NCOR2: variants seen among roughly 807,000 people sequenced by gnomAD.
NCOR2 encodes the protein nuclear receptor corepressor 2.
Under a neutral mutation model 262.9 loss-of-function variants are expected in NCOR2, and 81 were observed. That is an observed-to-expected ratio of 0.31 (90% CI 0.26 to 0.37). The LOEUF (loss-of-function observed/expected upper bound fraction) is 0.37. NCOR2 is among the 10% of genes least tolerant of loss of function. NCOR2 has a pLI of 1.00. For synonymous variants in NCOR2, 1,659 were observed against 1,559.3 expected (o/e 1.06, Z -1.51); for missense variants, 3,385 against 3,621.4 (o/e 0.93, Z 1.68).
In NCOR2 at chr12:124,437,913, C is replaced by A; in HGVS notation, c.882+17G>T. The A allele has an allele frequency of 6.2e-7, 1 of 1,608,102 alleles. No individual in the cohort carries two copies. The highest frequency in any genetic ancestry group is 1.7e-5 in the Admixed American group (1 of 59,464). On this transcript the variant is annotated intron_variant, in intron 8 of 46. Coordinates refer to ENST00000405201, the Ensembl canonical transcript of NCOR2. ...AGATCTCAAGGAAAGCTGATGGGGG[C>A]CACGGTGTGGACTTACCCATTGTTT... is the stretch of plus-strand genomic sequence containing the variant.
chr12:124,365,381 C>G (rs923551349), intron 20 of NCOR2, among the ~76,000 whole-genome samples: 3 of 152,238 alleles, frequency 2.0e-5, no homozygotes, highest in Non-Finnish European at 1.5e-5. Flanking sequence ...CCACCCCAGT[C>G]CCCAGCTGCC....
chr12:124,343,438 A>C (rs953071031), intron 32 of NCOR2, among the ~76,000 whole-genome samples: 1 of 152,170 alleles, frequency 6.6e-6, no homozygotes, highest in East Asian at 1.9e-4. Context: ...CACTCACTCA[A>C]TCAATTAAAA....
intron 1 of NCOR2, among the ~76,000 whole-genome samples, chr12:124,487,090 G>T (rs2047802757): frequency 6.6e-6 from 1 of 152,230 alleles, no homozygotes; most frequent in South Asian, 2.1e-4. Flanking sequence ...AGGACTGAAG[G>T]TGCATACGGG....
chr12:124,437,263 C>T (rs1362634383), intron 8 of NCOR2, among the ~76,000 whole-genome samples: 3 of 152,196 alleles, frequency 2.0e-5, no homozygotes, highest in Non-Finnish European at 2.9e-5. Flanking sequence ...CCCCTGACAG[C>T]TGGGAGAATA....
Position 124,548,959 on chromosome 12 carries a change from G to A in NCOR2, c.-164-13348C>T, listed in dbSNP as rs542056150. Among the ~76,000 whole-genome samples the A allele has an allele frequency of 2.0e-5, 3 of 152,186 alleles. No individual in the cohort carries two copies. Among genetic ancestry groups the A allele is most frequent in the Admixed American group, 6.5e-5 (1 of 15,294 alleles). On this transcript the variant is annotated intron_variant, in intron 1 of 32. Coordinates refer to the NCOR2 transcript ENST00000458234. The surrounding 1 kb of genome is among the most constrained non-coding windows in gnomAD (Gnocchi z 5.1). Reference sequence around the variant, plus strand: ...AGCCACTCCTCCCTCTCGTTTCCCCGCTTCCCCTTACCCGACGGTTGGGGC... The same window carrying A: ...AGCCACTCCTCCCTCTCGTTTCCCCACTTCCCCTTACCCGACGGTTGGGGC...
intron 11 of NCOR2, among the ~76,000 whole-genome samples, chr12:124,423,283 C>T (rs1218881504): frequency 6.6e-6 from 1 of 152,166 alleles, no homozygotes; most frequent in Non-Finnish European, 1.5e-5. Flanking sequence ...AGTCCCTGGC[C>T]CCAGGCCCAG....
rs1412280487 is a variant in NCOR2 at position 124,428,090 on chromosome 12, C to CGTGTGTGTGTGTGTGT, written c.1150-1291_1150-1290insACACACACACACACAC. Among the ~76,000 whole-genome samples, 308 of 138,114 alleles carry CGTGTGTGTGTGTGTGT rather than the reference C, an allele frequency of 2.2e-3. 4 individuals carry two copies. The highest frequency in any genetic ancestry group is 5.6e-3 in the African/African-American group (189 of 33,672). 90.6% of individuals were successfully genotyped at this position (138,114 alleles called of 152,430 possible). A position where few individuals can be genotyped will look rare whatever the true frequency, so the allele number is the denominator to read the frequency against. On this transcript the variant is annotated intron_variant, in intron 10 of 46. Transcript: ENST00000405201. ...GTGTGTGTGTGTGTGTGTGTGTGTA[C>CGTGTGTGTGTGTGTGT]ATGCAACAATCAGCCCAGGTGCCAC...
At chr12:124,434,682 A>G (rs1026327263) in intron 8 of NCOR2, among the ~76,000 whole-genome samples, 2 of 152,190 alleles carry the variant, frequency 1.3e-5, no homozygotes, top group African/African-American at 4.8e-5. Flanking sequence ...GCTGTCAAGG[A>G]GGCGGCAAGA....
At chr12:124,358,265 G>A (rs1424851278) in intron 22 of NCOR2, among the ~76,000 whole-genome samples, 1 of 148,136 alleles carries the variant, frequency 6.8e-6, no homozygotes, top group African/African-American at 2.6e-5. Context: ...CAATGTTGAA[G>A]GACGTAACCT....
chr12:124,359,277 T>G (rs924906376), intron 22 of NCOR2, among the ~76,000 whole-genome samples: 1 of 152,182 alleles, frequency 6.6e-6, no homozygotes, highest in Non-Finnish European at 1.5e-5. Context: ...GGGACAGGAA[T>G]GGCAGGCAGG....
chr12:124,399,120 A>G (rs1326735236), intron 15 of NCOR2, among the ~76,000 whole-genome samples: 1 of 152,044 alleles, frequency 6.6e-6, no homozygotes, highest in Non-Finnish European at 1.5e-5. Flanking sequence ...AGGTTCCAGC[A>G]GAAGAGGGGA....
intron 22 of NCOR2, among the ~76,000 whole-genome samples, chr12:124,358,773 C>G (rs1411098319): frequency 7.2e-6 from 1 of 138,454 alleles, no homozygotes; most frequent in East Asian, 2.3e-4. Flanking sequence ...GCGGAGTGTG[C>G]AAAGGGCATT....
intron 19 of NCOR2, among the ~76,000 whole-genome samples, chr12:124,373,365 A>G (rs1366383693): frequency 2.5e-4 from 10 of 40,286 alleles, no homozygotes; most frequent in Admixed American, 3.6e-4. Flanking sequence ...GTGGACAATC[A>G]TGAGGCCAGT....
At chr12:124,508,079 G>A (rs2049148454) in intron 1 of NCOR2, among the ~76,000 whole-genome samples, 2 of 152,206 alleles carry the variant, frequency 1.3e-5, no homozygotes, top group Admixed American at 6.5e-5. Flanking sequence ...CGTCCAGGGC[G>A]ACAGAGCCCA....
chr12:124,372,400 G>A, exon 20 of NCOR2: 1 of 1,502,004 alleles, frequency 6.7e-7, no homozygotes, highest in Non-Finnish European at 8.8e-7. Flanking sequence ...TGGGGGTGCT[G>A]GTGGGGGCGT....
At chr12:124,559,275 G>A (rs1333109815) in intron 1 of NCOR2, among the ~76,000 whole-genome samples, 1 of 152,198 alleles carries the variant, frequency 6.6e-6, no homozygotes, top group Non-Finnish European at 1.5e-5. Flanking sequence ...AGGTCCCTTG[G>A]CTTCAGACGC....
intron 16 of NCOR2, among the ~76,000 whole-genome samples, chr12:124,390,822 A>G (rs937311630): frequency 2.0e-5 from 3 of 152,224 alleles, no homozygotes; most frequent in Non-Finnish European, 1.5e-5. Context: ...CTAATTTCTA[A>G]GGAAGGAGTT....
rs2040764818 is a variant in NCOR2 at position 124,385,896 on chromosome 12, G to C, written c.1877-9C>G. 6.2e-7 allele frequency: 1 copy of C among 1,612,564 alleles called. No individual in the cohort carries two copies. The highest frequency in any genetic ancestry group is 8.5e-7 in the Non-Finnish European group (1 of 1,179,624). On this transcript the variant is annotated splice_polypyrimidine_tract_variant and intron_variant, in intron 16 of 46. Coordinates refer to ENST00000405201, the Ensembl canonical transcript of NCOR2. ...GCCGTGTTCCAGGAGACCTGTCTCAGGAGAGGAGGGCAGTGAGAAGAGGCC... is the reference window on the plus strand; with the variant it reads ...GCCGTGTTCCAGGAGACCTGTCTCACGAGAGGAGGGCAGTGAGAAGAGGCC...
chr12:124,433,898 ACG>A lies in NCOR2; in HGVS notation c.883-3113_883-3112del, dbSNP rs1180974205. ...CACACACACACACACACACACACAC[ACG>A]CACACACACACACAGGGAAAGACTG... is the stretch of plus-strand genomic sequence containing the variant. On this transcript the variant is annotated intron_variant, in intron 8 of 46. Transcript: ENST00000405201. Among the ~76,000 whole-genome samples, 34 of 124,180 alleles carry A rather than the reference ACG, an allele frequency of 2.7e-4. 1 individual carries two copies. The highest frequency in any genetic ancestry group is 1.1e-3 in the Admixed American group (14 of 13,202). The allele number at this position is 124,180 out of a possible 152,430, so 81.5% of individuals were successfully genotyped here. A position where few individuals can be genotyped will look rare whatever the true frequency, so the allele number is the denominator to read the frequency against.
Sources: gnomAD v4.1 joint callset for allele counts (sites outside exome capture counted in the v4.1 genomes callset) on GRCh38, gnomAD v4.1.1 for gene constraint, Gnocchi (gnomAD v3.1) non-coding constraint, MANE v1.5 for transcripts, NCBI Gene and HGNC (gene_info 2026-07-23, HGNC 2026-07-21) for gene names.